NCKAP5: variants seen among roughly 807,000 people sequenced by gnomAD.
The protein encoded by NCKAP5 is NCK associated protein 5.
A neutral mutation model predicts 167.0 loss-of-function variants in NCKAP5; 92 were observed. The observed-to-expected ratio is 0.55, with a 90% CI of 0.47 to 0.66. The LOEUF (loss-of-function observed/expected upper bound fraction) is 0.66, where lower values mean the gene tolerates loss of function less well. Among genes scored for constraint, NCKAP5 ranks in the 30% least tolerant of loss-of-function variants. The pLI is 0.00. For synonymous variants in NCKAP5, 891 were observed against 877.4 expected, an observed-to-expected ratio of 1.02 and a Z score of -0.27; for missense variants, 2,378 against 2,315.0, an observed-to-expected ratio of 1.03 and a Z score of -0.56.
chr2:133,006,714 C>A (rs1430220395), intron 6 of NCKAP5, among the ~76,000 whole-genome samples: 1 of 151,960 alleles, frequency 6.6e-6, no homozygotes, highest in East Asian at 1.9e-4. Flanking sequence ...CAAAGCAGCA[C>A]AGTAAGTAGC....
intron 16 of NCKAP5, among the ~76,000 whole-genome samples, chr2:132,757,656 C>A (rs576468495): frequency 1.3e-5 from 2 of 152,292 alleles, no homozygotes; most frequent in East Asian, 3.9e-4. Context: ...ATGTATTTCT[C>A]AAACATGCCA....
At chr2:133,612,150 C>A in the NCKAP5 span, among the ~76,000 whole-genome samples, 1 of 152,082 alleles carries the variant, frequency 6.6e-6, no homozygotes, top group East Asian at 1.9e-4. Flanking sequence ...CAATGATGAC[C>A]TTGGAATGCA....
rs919755393 is a variant in NCKAP5, at chr2:132,996,402, C to A, written c.342-2163G>T. Reference sequence around the variant, plus strand: ...AGCTCAAAGTAAAGAGTAAAGGAAACACACCCATTCCCATTTCCAGACATT... The same window carrying A: ...AGCTCAAAGTAAAGAGTAAAGGAAAAACACCCATTCCCATTTCCAGACATT... On this transcript the variant is annotated intron_variant, in intron 6 of 19. Transcript: ENST00000409261. 2.0e-5 allele frequency among the ~76,000 whole-genome samples: 3 copies of A among 152,124 alleles called. No individual in the cohort carries two copies. In the South Asian group the frequency reaches 6.2e-4, roughly 31 times the overall value.
rs527785183 is a variant in NCKAP5, at chr2:132,755,764, G to T, written c.5128+18052C>A. On this transcript the variant is annotated intron_variant, in intron 16 of 19. Coordinates refer to ENST00000409261, the MANE Select transcript of NCKAP5 (RefSeq NM_207363.3). ...GAATCGCTTGAACCTGGGAGGTGGA[G>T]GGTGTGCAGTGAGCCGAGATCGTGC... 2.3e-3 allele frequency among the ~76,000 whole-genome samples: 350 copies of T among 151,720 alleles called. 1 individual carries two copies. The highest frequency in any genetic ancestry group is 8.1e-3 in the African/African-American group (337 of 41,382).
Position 133,137,406 on chromosome 2 carries a change from T to TTGTGTGTGTGTGTG in NCKAP5, c.208-7309_208-7296dup, listed in dbSNP as rs58955655. Among the ~76,000 whole-genome samples the TTGTGTGTGTGTGTG allele has an allele frequency of 9.8e-3, 1,334 of 136,264 alleles. 7 individuals carry two copies. The highest frequency in any genetic ancestry group is 0.014 in the Non-Finnish European group (910 of 62,974). The allele number at this position is 136,264 out of a possible 152,430, so 89.4% of individuals were successfully genotyped here. A position where few individuals can be genotyped will look rare whatever the true frequency, so the allele number is the denominator to read the frequency against. On this transcript the variant is annotated intron_variant, in intron 5 of 19. Coordinates refer to ENST00000409261, the MANE Select transcript of NCKAP5 (RefSeq NM_207363.3). ...CTAAAAAAAGATGCAGAGCTTGGTT[T>TTGTGTGTGTGTGTG]TGTGTGTGTGTGTGTGTGTGTGTGT...
In NCKAP5 at chr2:132,783,575, G is replaced by C; in HGVS notation, c.3236C>G (p.Thr1079Arg). The C allele has an allele frequency of 1.2e-6, 2 of 1,613,942 alleles. No homozygotes were observed. The highest frequency in any genetic ancestry group is 1.7e-6 in the Non-Finnish European group (2 of 1,179,880). The change falls in exon 14 of 20, where the codon ACG becomes AGG. Residue 1079 changes from threonine (T) to arginine (R), a missense_variant. By Grantham distance (71) the Thr-to-Arg change is moderately conservative. Around this residue, in one of 3 missense-constraint regions of NCKAP5, gnomAD observed 1,325 missense variants for 1,274.5 expected, o/e 1.04. Coordinates refer to ENST00000409261, the MANE Select transcript of NCKAP5 (RefSeq NM_207363.3). ...SPSTHEPLEM[T>R]SSKSVSPGRK... is the part of the protein sequence containing the mutation. Reference sequence around the variant, plus strand: ...CCCTGGAGATACACTTTTGGAGGACGTCATTTCCAGTGGCTCATGGGTTGA... The same window carrying C: ...CCCTGGAGATACACTTTTGGAGGACCTCATTTCCAGTGGCTCATGGGTTGA...
chr2:132,706,483 C>G (rs1688372318), intron 19 of NCKAP5, among the ~76,000 whole-genome samples: 2 of 152,144 alleles, frequency 1.3e-5, no homozygotes, highest in South Asian at 4.1e-4. Flanking sequence ...CCCTTCTAAC[C>G]TTCTGCCTTG....
Position 133,202,123 on chromosome 2 carries a change from T to C in NCKAP5, c.207+11593A>G, listed in dbSNP as rs544469102. Among the ~76,000 whole-genome samples, 989 of 152,192 alleles carry C rather than the reference T, an allele frequency of 6.5e-3. 6 individuals are homozygous for C. Among genetic ancestry groups the C allele is most frequent in the Non-Finnish European group, 0.011 (742 of 67,946 alleles). ...ACAAAGCTGGAGGCATCATGCTACC[T>C]GACTTCAAACTATACTACAAGGCTA... On this transcript the variant is annotated intron_variant, in intron 5 of 19. Coordinates refer to ENST00000409261, the MANE Select transcript of NCKAP5 (RefSeq NM_207363.3).
intron 6 of NCKAP5, among the ~76,000 whole-genome samples, chr2:133,016,988 T>G (rs2078360380): frequency 6.6e-6 from 1 of 152,248 alleles, no homozygotes; most frequent in South Asian, 2.1e-4. Context: ...GCAAGGAAAC[T>G]AGCCCATTGT....
At chr2:132,920,789 A>ATGTATGTG (rs1558943454) in intron 8 of NCKAP5, among the ~76,000 whole-genome samples, 2 of 70,502 alleles carry the variant, frequency 2.8e-5, no homozygotes, top group East Asian at 1.9e-3. Context: ...ATATATATAT[A>ATGTATGTG]TATATATATA....
At chr2:132,742,034 C>G (rs560526329) in intron 16 of NCKAP5, among the ~76,000 whole-genome samples, 1 of 152,180 alleles carries the variant, frequency 6.6e-6, no homozygotes, top group East Asian at 1.9e-4. Context: ...TTTTCCCTTA[C>G]AGAAGGTATA....
intron 1 of NCKAP5, among the ~76,000 whole-genome samples, chr2:133,561,525 T>C (rs1476062972): frequency 6.6e-6 from 1 of 152,232 alleles, no homozygotes; most frequent in African/African-American, 2.4e-5. Context: ...AGGAAGGATA[T>C]TTCTTACACT....
At chr2:133,469,267 T>C (rs1692852052) in intron 3 of NCKAP5, among the ~76,000 whole-genome samples, 2 of 152,136 alleles carry the variant, frequency 1.3e-5, no homozygotes, top group Non-Finnish European at 2.9e-5. Flanking sequence ...CCTTTGCTTA[T>C]GAAGCTTAGT....
intron 3 of NCKAP5, among the ~76,000 whole-genome samples, chr2:133,517,054 C>T (rs1966628): frequency 0.36 from 54,362 of 152,040 alleles, 10,477 homozygotes; most frequent in East Asian, 0.62. Context: ...TCCAAGACTT[C>T]CTCTGCTCTT....
chr2:133,618,104 T>G, the NCKAP5 span, among the ~76,000 whole-genome samples: 13,780 of 150,440 alleles, frequency 0.092, 696 homozygotes, highest in African/African-American at 0.11. Flanking sequence ...TAGCCATATG[T>G]AGAAAGCTGA....
intron 19 of NCKAP5, among the ~76,000 whole-genome samples, chr2:132,697,457 T>C (rs1687451053): frequency 6.6e-6 from 1 of 152,254 alleles, no homozygotes. Context: ...TAGATTCTAT[T>C]TCCTCTTGTT....
intron 6 of NCKAP5, among the ~76,000 whole-genome samples, chr2:133,073,236 T>A (rs1356567524): frequency 6.6e-6 from 1 of 152,142 alleles, no homozygotes; most frequent in Non-Finnish European, 1.5e-5. Flanking sequence ...CTTTTTTTTT[T>A]CTTTCTCCCT....
Position 132,673,167 on chromosome 2 carries a change from C to T in NCKAP5, c.*122G>A, listed in dbSNP as rs1683957383. 3 of 1,382,580 alleles carry T rather than the reference C, an allele frequency of 2.2e-6. No homozygotes were observed. The highest frequency in any genetic ancestry group is 1.9e-6 in the Non-Finnish European group (2 of 1,070,472). The allele number at this position is 1,382,580 out of a possible 1,614,324, so 85.6% of individuals were successfully genotyped here. A position where few individuals can be genotyped will look rare whatever the true frequency, so the allele number is the denominator to read the frequency against. On this transcript the variant is annotated 3_prime_UTR_variant, in exon 20 of 20. Transcript: ENST00000409261. ...TTTTTTTCTTTTTCTTCCTTCTGTC[C>T]TTCAACCTTGTTCAGAGAGTTCTTC...
intron 6 of NCKAP5, among the ~76,000 whole-genome samples, chr2:133,006,208 G>A (rs866635973): frequency 1.3e-5 from 2 of 152,018 alleles, no homozygotes; most frequent in African/African-American, 2.4e-5. Flanking sequence ...GCAGTGAGCC[G>A]AGATTACACT....
Sources: gnomAD v4.1 joint callset for allele counts (sites outside exome capture counted in the v4.1 genomes callset) on GRCh38, gnomAD v4.1.1 for gene constraint, gnomAD v4.1.1 regional missense constraint, MANE v1.5 for transcripts, NCBI Gene and HGNC (gene_info 2026-07-23, HGNC 2026-07-21) for gene names.